DOCK10: variants seen among roughly 807,000 people sequenced by gnomAD.
The protein encoded by DOCK10 is dedicator of cytokinesis protein 10.
A neutral mutation model predicts 280.1 loss-of-function variants in DOCK10; 145 were observed. The ratio of observed to expected loss-of-function variants is 0.52; its 90% CI spans 0.45 to 0.59. DOCK10 has a LOEUF of 0.59. Ranked by LOEUF, DOCK10 falls within the 20% of genes least tolerant of loss-of-function variation. DOCK10 has a pLI of 0.00. For synonymous variants in DOCK10, 915 were observed against 942.2 expected, an observed-to-expected ratio of 0.97 and a Z score of 0.53; for missense variants, 2,368 against 2,651.7, an observed-to-expected ratio of 0.89 and a Z score of 2.35.
chr2:224,822,169 G>C (rs1220381631), intron 28 of DOCK10, among the ~76,000 whole-genome samples: 2 of 152,016 alleles, frequency 1.3e-5, no homozygotes, highest in Admixed American at 6.6e-5. Context: ...ACTTCATAAA[G>C]GTTATAGTAG....
Position 224,874,363 on chromosome 2 carries a change from T to C in DOCK10, c.1018-14A>G. On this transcript the variant is annotated splice_polypyrimidine_tract_variant and intron_variant, in intron 9 of 55. Transcript: ENST00000258390. ...TTCTGTGAGGTACTACAGAGAAAAT[T>C]GTGTTAGTCCTTGGTATCTAAATAT... 6.3e-7 allele frequency: 1 copy of C among 1,597,088 alleles called. No individual in the cohort carries two copies. Among genetic ancestry groups the C allele is most frequent in the Non-Finnish European group, 8.6e-7 (1 of 1,168,212 alleles).
At chr2:224,878,384 T>C (rs1574981854) in intron 7 of DOCK10, among the ~76,000 whole-genome samples, 1 of 152,346 alleles carries the variant, frequency 6.6e-6, no homozygotes, top group East Asian at 1.9e-4. Context: ...TTTGGGATTA[T>C]ATTGATAGCA....
At chr2:224,838,916 A>C (rs1000238310) in intron 24 of DOCK10, among the ~76,000 whole-genome samples, 1 of 152,214 alleles carries the variant, frequency 6.6e-6, no homozygotes, top group Non-Finnish European at 1.5e-5. Context: ...ACTTAAAAAA[A>C]AGGTTCTTGT....
intron 1 of DOCK10, among the ~76,000 whole-genome samples, chr2:224,995,989 C>T (rs946243865): frequency 1.3e-5 from 2 of 152,152 alleles, no homozygotes; most frequent in Admixed American, 1.3e-4. Flanking sequence ...TTATTAACTT[C>T]CTTGGAACTG....
intron 1 of DOCK10, among the ~76,000 whole-genome samples, chr2:224,987,661 C>T (rs1706008651): frequency 6.6e-6 from 1 of 152,154 alleles, no homozygotes; most frequent in Non-Finnish European, 1.5e-5. Context: ...GTCCACAGGT[C>T]AGTCTGACCA....
intron 1 of DOCK10, among the ~76,000 whole-genome samples, chr2:225,022,838 A>G (rs1221216226): frequency 6.6e-6 from 1 of 152,184 alleles, no homozygotes; most frequent in Non-Finnish European, 1.5e-5. Context: ...ATTTTCTTAA[A>G]TGCAGACATC....
chr2:224,859,723 C>G (rs936685209), intron 14 of DOCK10, among the ~76,000 whole-genome samples: 1 of 152,178 alleles, frequency 6.6e-6, no homozygotes, highest in African/African-American at 2.4e-5. Flanking sequence ...GAAATCTACA[C>G]TGCGAAACAA....
chr2:224,969,123 T>A (rs576527233), intron 1 of DOCK10, among the ~76,000 whole-genome samples: 1 of 152,228 alleles, frequency 6.6e-6, no homozygotes, highest in South Asian at 2.1e-4. Flanking sequence ...TCCTGGCTTT[T>A]GCCAAGGAAG....
At position 224,800,191 on chromosome 2, in the gene DOCK10, G is replaced by C; in HGVS notation, c.4466C>G (p.Thr1489Ser). The C allele has an allele frequency of 6.2e-7, 1 of 1,611,956 alleles. No homozygotes were observed. The highest frequency in any genetic ancestry group is 8.5e-7 in the Non-Finnish European group (1 of 1,178,648). The change falls in exon 41 of 56, where the codon ACT (threonine) becomes AGT (serine). Residue 1489 changes from threonine to serine, a missense_variant. By Grantham distance (58) the Thr-to-Ser change is moderately conservative. Around this residue, in one of 2 missense-constraint regions of DOCK10, gnomAD observed 1,159 missense variants for 1,400.8 expected, o/e 0.83. Transcript: ENST00000258390. The part of the protein sequence containing the change: ...EANIATEVCL[T>S]ILDLLSLFTQ... The stretch of plus-strand genomic sequence containing the variant: ...GAAGAGGGATAACAGGTCCAGAATA[G>C]TGAGGCAAACCTCCGTAGCTATATT...
intron 53 of DOCK10, among the ~76,000 whole-genome samples, chr2:224,771,840 G>GC (rs1470883267): frequency 2.0e-5 from 3 of 151,892 alleles, no homozygotes; most frequent in Non-Finnish European, 4.4e-5. Flanking sequence ...TCAGCCCATG[G>GC]GGGACACAGA....
intron 1 of DOCK10, among the ~76,000 whole-genome samples, chr2:225,030,256 C>T (rs1205042881): frequency 6.6e-6 from 1 of 151,976 alleles, no homozygotes; most frequent in African/African-American, 2.4e-5. Flanking sequence ...TTACAATGCT[C>T]TAAAGCCGTG....
At chr2:224,883,368 T>C (rs1375584651) in intron 7 of DOCK10, among the ~76,000 whole-genome samples, 1 of 139,026 alleles carries the variant, frequency 7.2e-6, no homozygotes, top group Non-Finnish European at 1.5e-5. Flanking sequence ...ATCAGTAGGT[T>C]AATGAATAAA....
intron 4 of DOCK10, among the ~76,000 whole-genome samples, chr2:224,890,835 G>C (rs1396775615): frequency 6.6e-6 from 1 of 152,178 alleles, no homozygotes; most frequent in African/African-American, 2.4e-5. Flanking sequence ...TCTCAACAGA[G>C]GTTTGAGTTG....
At chr2:224,945,504 G>A (rs1285389669) in intron 1 of DOCK10, among the ~76,000 whole-genome samples, 2 of 152,094 alleles carry the variant, frequency 1.3e-5, no homozygotes. Flanking sequence ...ACACTCCTGA[G>A]ATAGAAACTG....
intron 2 of DOCK10, among the ~76,000 whole-genome samples, chr2:224,922,999 T>C (rs916580665): frequency 1.3e-5 from 2 of 152,220 alleles, no homozygotes; most frequent in Non-Finnish European, 2.9e-5. Context: ...TGTCTTTTAT[T>C]CTATTAGAGA....
intron 30 of DOCK10, among the ~76,000 whole-genome samples, chr2:224,815,557 G>A (rs1449158192): frequency 6.6e-6 from 1 of 151,610 alleles, no homozygotes; most frequent in African/African-American, 2.4e-5. Context: ...TATGAAATAT[G>A]CTTCATAAAT....
rs542227071 is a variant in DOCK10 at position 224,795,010 on chromosome 2, C to T, written c.5023G>A (p.Glu1675Lys). The T allele has an allele frequency of 2.5e-6, 4 of 1,613,920 alleles. No individual in the cohort carries two copies. The highest frequency in any genetic ancestry group is 1.6e-4 in the Middle Eastern group (1 of 6,062). Residue 1675 changes from glutamate (E) to lysine (K), a missense_variant, in exon 45 of 56, where the codon GAG (glutamate) becomes AAG (lysine). By Grantham distance (56) the Glu-to-Lys change is moderately conservative. Transcript: ENST00000258390. ...TCCACCAGCATCTCGGGGTCCTTCT[C>T]GTGCTCCTTCATCTGAGCTGTGGCC... ...LMATAQMKEH[E>K]KDPEMLVDLQ...
chr2:224,921,112 A>AAAAAAAAAATATATATATATATAT, intron 2 of DOCK10, among the ~76,000 whole-genome samples: 1 of 54,416 alleles, frequency 1.8e-5, no homozygotes, highest in Non-Finnish European at 3.0e-5. Flanking sequence ...AAAAAAAAAA[A>AAAAAAAAAATATATATATATATAT]ATATATATAT....
At chr2:225,025,869 A>G (rs1311236457) in intron 1 of DOCK10, among the ~76,000 whole-genome samples, 1 of 152,202 alleles carries the variant, frequency 6.6e-6, no homozygotes, top group Non-Finnish European at 1.5e-5. Flanking sequence ...CATCCATCTA[A>G]CCAAGAATCA....
Sources: gnomAD v4.1 joint callset for allele counts (sites outside exome capture counted in the v4.1 genomes callset) on GRCh38, gnomAD v4.1.1 for gene constraint, gnomAD v4.1.1 regional missense constraint, MANE v1.5 for transcripts, NCBI Gene and HGNC (gene_info 2026-07-23, HGNC 2026-07-21) for gene names.